Variants in ANKFN1 observed in about 807,000 individuals in gnomAD.
ANKFN1 encodes ankyrin repeat and fibronectin type III domain containing 1, also known as ankyrin repeat and fibronectin type-III domain-containing protein 1.
ANKFN1 carries 74 observed loss-of-function variants against 108.7 expected under a neutral mutation model. That is an observed-to-expected ratio of 0.68 (90% CI 0.56 to 0.83). The LOEUF is 0.83. ANKFN1 is among the 40% of genes least tolerant of loss of function. The probability of loss-of-function intolerance (pLI) is 0.00; values close to 1 mark genes in which losing one functional copy is unlikely to be tolerated. For synonymous variants in ANKFN1, 547 were observed against 516.2 expected (o/e 1.06, Z -0.81); for missense variants, 1,505 against 1,382.3 (o/e 1.09, Z -1.41).
intron 3 of ANKFN1, among the ~76,000 whole-genome samples, chr17:56,262,279 T>C (rs2043532777): frequency 6.6e-6 from 1 of 152,226 alleles, no homozygotes; most frequent in African/African-American, 2.4e-5. Flanking sequence ...CTGCTCCTCA[T>C]TTGGAGTCTG....
At chr17:56,177,505 G>A (rs557192143) in intron 1 of ANKFN1, among the ~76,000 whole-genome samples, 43 of 152,292 alleles carry the variant, frequency 2.8e-4, no homozygotes, top group Non-Finnish European at 4.7e-4. Context: ...TAGGTTACAA[G>A]GGAATATTTT....
At chr17:56,393,223 C>T (rs1217140837) in intron 8 of ANKFN1, among the ~76,000 whole-genome samples, 1 of 152,160 alleles carries the variant, frequency 6.6e-6, no homozygotes, top group Admixed American at 6.5e-5. Context: ...CCACCTAAAA[C>T]TCTTCCTACC....
intron 19 of ANKFN1, among the ~76,000 whole-genome samples, chr17:56,495,315 C>CTCTT (rs151167300): frequency 6.8e-6 from 1 of 147,702 alleles, no homozygotes; most frequent in Non-Finnish European, 1.5e-5. Context: ...ACTTTGTGGT[C>CTCTT]TCTCTCTCTC....
At chr17:56,467,713 G>GAGAA (rs1224646156) in intron 15 of ANKFN1, among the ~76,000 whole-genome samples, 4 of 138,222 alleles carry the variant, frequency 2.9e-5, no homozygotes, top group Admixed American at 7.3e-5. Context: ...AAGAAAGAGA[G>GAGAA]AGAAAGAAAG....
At chr17:56,263,803 TAC>T (rs1449953119) in intron 3 of ANKFN1, among the ~76,000 whole-genome samples, 1 of 152,248 alleles carries the variant, frequency 6.6e-6, no homozygotes, top group Admixed American at 6.5e-5. Context: ...TCTCTTTTGA[TAC>T]CATTCTCATT....
At chr17:56,459,686 C>T (rs549581770) in intron 14 of ANKFN1, among the ~76,000 whole-genome samples, 2 of 152,260 alleles carry the variant, frequency 1.3e-5, no homozygotes, top group East Asian at 1.9e-4. Flanking sequence ...AAGGGGGGCT[C>T]TTTATTATGT....
intron 4 of ANKFN1, among the ~76,000 whole-genome samples, chr17:56,121,364 C>T (rs1906609732): frequency 6.6e-6 from 1 of 152,006 alleles, no homozygotes; most frequent in Non-Finnish European, 1.5e-5. Context: ...ATTCTATGAG[C>T]TAAGAGCACT....
intron 4 of ANKFN1, among the ~76,000 whole-genome samples, chr17:56,131,687 A>C (rs1348397842): frequency 6.6e-6 from 1 of 152,180 alleles, no homozygotes; most frequent in Non-Finnish European, 1.5e-5. Context: ...CTACAAAGTC[A>C]GGCTATTTAA....
chr17:56,511,492 G>A lies in ANKFN1; in HGVS notation c.*223G>A, dbSNP rs2051770197. The A allele has an allele frequency of 1.8e-6, 1 of 559,230 alleles. No individual in the cohort carries two copies. Among genetic ancestry groups the A allele is most frequent in the Admixed American group, 3.4e-5 (1 of 29,698 alleles). The allele number at this position is 559,230 out of a possible 1,614,324, so 34.6% of individuals were successfully genotyped here. A position where few individuals can be genotyped will look rare whatever the true frequency, so the allele number is the denominator to read the frequency against. On this transcript the variant is annotated 3_prime_UTR_variant, in exon 21 of 21. Coordinates refer to ENST00000682825, the MANE Select transcript of ANKFN1 (RefSeq NM_001370326.1). ...ACTTCAGCCTAGAAAGGGCATGGGG[G>A]AGTTGTGTCAACATGGAATACGACA...
At chr17:56,444,566 T>C (rs1464466811) in intron 10 of ANKFN1, among the ~76,000 whole-genome samples, 1 of 152,210 alleles carries the variant, frequency 6.6e-6, no homozygotes, top group African/African-American at 2.4e-5. Flanking sequence ...TCATTGTCAC[T>C]ATCATCTGCA....
At chr17:56,345,758 A>G (rs1336248089) in intron 4 of ANKFN1, among the ~76,000 whole-genome samples, 3 of 151,744 alleles carry the variant, frequency 2.0e-5, no homozygotes, top group Admixed American at 6.6e-5. Context: ...TTGTAAATTT[A>G]TTTAAGTACC....
rs117136241 is a variant in ANKFN1 at position 56,095,754 on chromosome 17, G to T, written c.288+49429G>T. Among the ~76,000 whole-genome samples the T allele has an allele frequency of 9.9e-3, 1,510 of 152,350 alleles. 22 individuals carry two copies. Among genetic ancestry groups the T allele is most frequent in the Non-Finnish European group, 0.015 (1,009 of 68,034 alleles). On this transcript the variant is annotated intron_variant, in intron 4 of 12. Transcript: ENST00000635860. The stretch of plus-strand genomic sequence containing the variant: ...CAGGGGAGGTCACTGGGTTGGGCAG[G>T]CATTGAAAGATGGTCTGTGACTCAC...
intron 2 of ANKFN1, among the ~76,000 whole-genome samples, chr17:56,221,190 G>A (rs1915872186): frequency 6.6e-6 from 1 of 152,208 alleles, no homozygotes; most frequent in African/African-American, 2.4e-5. Flanking sequence ...TCACTACCGT[G>A]AGGACAGTAC....
At chr17:56,308,837 G>A (rs929218633) in intron 3 of ANKFN1, among the ~76,000 whole-genome samples, 15 of 152,094 alleles carry the variant, frequency 9.9e-5, no homozygotes, top group Admixed American at 1.3e-4. Context: ...ATGTGAGTTT[G>A]CGCCTTTTAT....
rs201005806 is a variant in ANKFN1, at chr17:56,506,165, AACTCGTCATTT to A, written c.2645-4306_2645-4296del. Among the ~76,000 whole-genome samples the A allele has an allele frequency of 3.1e-3, 476 of 152,096 alleles. 2 individuals carry two copies. Among genetic ancestry groups the A allele is most frequent in the African/African-American group, 0.011 (444 of 41,436 alleles). On this transcript the variant is annotated intron_variant, in intron 20 of 20. Coordinates refer to ENST00000682825, the MANE Select transcript of ANKFN1 (RefSeq NM_001370326.1). ...GCCATGTTGGTGTGCTGCACCCATT[AACTCGTCATTT>A]ATATTAGTTATATCTCCTGATGCTA...
chr17:56,062,559 CT>C (rs3085080), intron 4 of ANKFN1, among the ~76,000 whole-genome samples: 6,845 of 134,496 alleles, frequency 0.051, 708 homozygotes, highest in African/African-American at 0.19. Flanking sequence ...GTAATCTCTG[CT>C]TTTTTTTTTT....
intron 4 of ANKFN1, among the ~76,000 whole-genome samples, chr17:56,121,183 T>C (rs1476488846): frequency 6.6e-6 from 1 of 152,046 alleles, no homozygotes; most frequent in East Asian, 1.9e-4. Context: ...TTTTAAAAGA[T>C]CTTATTCCAA....
At chr17:56,503,513 A>C (rs966250423) in intron 20 of ANKFN1, among the ~76,000 whole-genome samples, 1 of 140,368 alleles carries the variant, frequency 7.1e-6, no homozygotes, top group East Asian at 2.0e-4. Flanking sequence ...ATATATATAT[A>C]TATATATATA....
At chr17:56,411,388 C>G (rs377374775) in intron 8 of ANKFN1, among the ~76,000 whole-genome samples, 1 of 152,218 alleles carries the variant, frequency 6.6e-6, no homozygotes, top group East Asian at 1.9e-4. Flanking sequence ...TTGGGTTCTT[C>G]TGGTGGACTA....
Sources: gnomAD v4.1 joint callset for allele counts (sites outside exome capture counted in the v4.1 genomes callset) on GRCh38, gnomAD v4.1.1 for gene constraint, MANE v1.5 for transcripts, NCBI Gene and HGNC (gene_info 2026-07-23, HGNC 2026-07-21) for gene names.